The following STS variants were observed in gnomAD, a reference collection of about 807,000 sequenced individuals.
The protein encoded by STS is steryl-sulfatase.
STS carries 7 observed loss-of-function variants against 26.8 expected under a neutral mutation model. The observed-to-expected ratio is 0.26, with a 90% confidence interval of 0.15 to 0.49. The LOEUF (loss-of-function observed/expected upper bound fraction) is 0.49, where lower values mean the gene tolerates loss of function less well. Ranked by LOEUF, STS falls within the 20% of genes least tolerant of loss-of-function variation. The pLI is 0.98. For synonymous variants in STS, 199 were observed against 189.4 expected (o/e 1.05, Z -0.42); for missense variants, 434 against 465.6 (o/e 0.93, Z 0.63).
At chrX:7,168,686 G>T (rs1425756679) in intron 1 of STS, among the ~76,000 whole-genome samples, 1 of 111,102 alleles carries the variant, frequency 9.0e-6, no homozygotes, top group Non-Finnish European at 1.9e-5. Context: ...CCTTGCAGTG[G>T]GATATCATCT....
chrX:7,190,260 A>G (rs1250653470), intron 1 of STS, among the ~76,000 whole-genome samples: 6 of 109,602 alleles, frequency 5.5e-5, no homozygotes. Context: ...GATTCTCATG[A>G]GGAGTGTGCA....
intron 1 of STS, among the ~76,000 whole-genome samples, chrX:7,174,830 G>A (rs181696705): frequency 9.0e-6 from 1 of 110,989 alleles, no homozygotes; most frequent in Admixed American, 9.6e-5. Context: ...CTTGTACTCA[G>A]TCCTTAGATG....
At chrX:7,147,355 C>T (rs778908332), upstream of STS, among the ~76,000 whole-genome samples, 81 of 111,402 alleles carry the variant, frequency 7.3e-4, no homozygotes, top group African/African-American at 2.5e-3. Context: ...GTTGACGGCG[C>T]GGGATAATTC....
chrX:7,272,627 T>C (rs1417415547), intron 6 of STS, among the ~76,000 whole-genome samples: 1 of 112,076 alleles, frequency 8.9e-6, no homozygotes, highest in Non-Finnish European at 1.9e-5. Flanking sequence ...GGCCCTGTCG[T>C]TCACTTGACT....
At chrX:7,205,215 G>A (rs944506398) in intron 2 of STS, among the ~76,000 whole-genome samples, 2 of 112,802 alleles carry the variant, frequency 1.8e-5, no homozygotes, top group Non-Finnish European at 3.7e-5. Flanking sequence ...TACTTTGAAA[G>A]AAGAGGGGCT....
chrX:7,223,145 T>A lies in STS; in HGVS notation c.-4-30051T>A, dbSNP rs1247746880. Among the ~76,000 whole-genome samples, 4 of 111,913 alleles carry A rather than the reference T, an allele frequency of 3.6e-5. 1 individual carries two copies. The highest frequency in any genetic ancestry group is 7.5e-5 in the Non-Finnish European group (4 of 53,145). ...TATACCACTTTTTTTTATCCAATCCTCTGTTGATGGACACTTAGGTTGATT... is the reference window on the plus strand; with the variant it reads ...TATACCACTTTTTTTTATCCAATCCACTGTTGATGGACACTTAGGTTGATT... On this transcript the variant is annotated intron_variant, in intron 2 of 10. Transcript: ENST00000674429.
At chrX:7,325,845 T>C (rs191659034) in intron 9 of STS, among the ~76,000 whole-genome samples, 114 of 112,148 alleles carry the variant, frequency 1.0e-3, no homozygotes, top group Non-Finnish European at 1.8e-3. Flanking sequence ...CCTGTCTATC[T>C]AGATGCTTCT....
intron 9 of STS, among the ~76,000 whole-genome samples, chrX:7,325,808 C>T (rs931711241): frequency 4.5e-5 from 5 of 111,944 alleles, no homozygotes; most frequent in East Asian, 5.7e-4. Context: ...CTCATGCTAA[C>T]GGACTGAGTG....
At chrX:7,308,578 C>T (rs1445747623) in intron 8 of STS, among the ~76,000 whole-genome samples, 1 of 111,496 alleles carries the variant, frequency 9.0e-6, no homozygotes, top group Non-Finnish European at 1.9e-5. Flanking sequence ...TCATACAACC[C>T]TGCAAGCATG....
chrX:7,150,224 TTC>T (rs1932984504), intron 1 of STS, among the ~76,000 whole-genome samples: 1 of 111,846 alleles, frequency 8.9e-6, no homozygotes, highest in Middle Eastern at 4.6e-3. Context: ...TTTTTCTTTT[TTC>T]TTTCTTCTTT....
chrX:7,244,176 A>G lies in STS; in HGVS notation c.-4-9020A>G, dbSNP rs530460754. Among the ~76,000 whole-genome samples the G allele has an allele frequency of 2.7e-5, 3 of 112,037 alleles. No individual in the cohort carries two copies. In the South Asian group the frequency reaches 1.1e-3, roughly 42 times the overall value. On this transcript the variant is annotated intron_variant, in intron 2 of 10. Coordinates refer to ENST00000674429, the MANE Select transcript of STS (RefSeq NM_001320752.2). ...AGCATGATGCTGTTGTGCAGAGTGT[A>G]ACTCCTGATAAAAATGTAAGGTAGC...
chrX:7,157,832 C>T (rs1206333395), intron 1 of STS, among the ~76,000 whole-genome samples: 16 of 111,422 alleles, frequency 1.4e-4, no homozygotes, highest in African/African-American at 4.6e-4. Context: ...CTCCAAAGTC[C>T]TCCATCCACA....
intron 2 of STS, among the ~76,000 whole-genome samples, chrX:7,249,702 C>G (rs964813525): frequency 9.0e-6 from 1 of 111,635 alleles, no homozygotes; most frequent in African/African-American, 3.3e-5. Context: ...GGGTGCTAGT[C>G]TAGATACCAC....
rs1184216026 is a variant in STS, at chrX:7,271,785, T to TA, written c.807-4153dup. On this transcript the variant is annotated intron_variant, in intron 6 of 10. Transcript: ENST00000674429. ...AACATTTCCTTGTTTCATATTCTTG[T>TA]AAAAAAAAAAAAAGGTTGGGGGGTA... 8.1e-3 allele frequency among the ~76,000 whole-genome samples: 770 copies of TA among 94,546 alleles called. 5 individuals carry two copies. Among genetic ancestry groups the TA allele is most frequent in the East Asian group, 0.017 (52 of 3,073 alleles). 82.1% of individuals were successfully genotyped at this position (94,546 alleles called of 115,157 possible).
intron 2 of STS, among the ~76,000 whole-genome samples, chrX:7,247,503 G>A (rs950264852): frequency 5.3e-5 from 6 of 112,253 alleles, no homozygotes; most frequent in Non-Finnish European, 9.4e-5. Context: ...ACATAGAGTT[G>A]ATGATTGCAT....
intron 2 of STS, among the ~76,000 whole-genome samples, chrX:7,205,385 C>T (rs1934192097): frequency 9.0e-6 from 1 of 111,520 alleles, no homozygotes; most frequent in Admixed American, 9.5e-5. Context: ...TGTGAGAGTG[C>T]AACCACAGAA....
At chrX:7,316,271 G>C (rs1926711112) in intron 8 of STS, among the ~76,000 whole-genome samples, 1 of 112,309 alleles carries the variant, frequency 8.9e-6, no homozygotes, top group African/African-American at 3.2e-5. Context: ...ATATTATGGA[G>C]TAAGGTCCAA....
intron 1 of STS, among the ~76,000 whole-genome samples, chrX:7,177,215 C>T (rs768574773): frequency 1.9e-4 from 21 of 110,835 alleles, no homozygotes; most frequent in African/African-American, 6.5e-4. Context: ...ATTCTGTCTA[C>T]CCAACTTGGT....
At chrX:7,187,482 C>T (rs1480302492) in intron 1 of STS, among the ~76,000 whole-genome samples, 3 of 112,061 alleles carry the variant, frequency 2.7e-5, no homozygotes, top group African/African-American at 9.7e-5. Context: ...CAAATTTCAA[C>T]AACTAACCTT....
Sources: allele counts gnomAD v4.1 joint callset (sites outside exome capture counted in the v4.1 genomes callset), GRCh38; gene constraint gnomAD v4.1.1; transcripts MANE v1.5; gene names NCBI Gene and HGNC (gene_info 2026-07-23, HGNC 2026-07-21).